The following ZNF385D variants were observed in gnomAD, a reference collection of about 807,000 sequenced individuals.
ZNF385D encodes the protein zinc finger protein 385D.
In ZNF385D, 15 loss-of-function variants were observed where a neutral mutation model predicts 35.8. That is an observed-to-expected ratio of 0.42 (90% confidence interval 0.28 to 0.64). ZNF385D has a LOEUF of 0.64. ZNF385D is among the 30% of genes least tolerant of loss of function. The pLI is 0.23. For synonymous variants in ZNF385D, 212 were observed against 186.8 expected (o/e 1.13, Z -1.10); for missense variants, 474 against 494.6 (o/e 0.96, Z 0.39).
chr3:22,175,528 A>C (rs565998180), intron 2 of ZNF385D, among the ~76,000 whole-genome samples: 13 of 152,182 alleles, frequency 8.5e-5, no homozygotes, highest in Non-Finnish European at 1.5e-4. Context: ...TTGCCCATGC[A>C]GGATTTAAGT....
At chr3:22,353,691 T>C (rs568661997) in intron 2 of ZNF385D, among the ~76,000 whole-genome samples, 1 of 152,314 alleles carries the variant, frequency 6.6e-6, no homozygotes, top group East Asian at 1.9e-4. Flanking sequence ...GTGATTTCAA[T>C]ATGCAATTAG....
chr3:21,594,550 A>G (rs1164231624), intron 2 of ZNF385D, among the ~76,000 whole-genome samples: 1 of 152,170 alleles, frequency 6.6e-6, no homozygotes, highest in African/African-American at 2.4e-5. Context: ...GGAAAGGTGC[A>G]CAGATATTGT....
chr3:22,121,182 C>T (rs1328161056), intron 3 of ZNF385D, among the ~76,000 whole-genome samples: 3 of 152,172 alleles, frequency 2.0e-5, no homozygotes, highest in East Asian at 1.9e-4. Flanking sequence ...CAACCTTCCT[C>T]TTTCACTTAC....
At chr3:21,770,002 T>C (rs1350189922) in intron 3 of ZNF385D, among the ~76,000 whole-genome samples, 1 of 152,076 alleles carries the variant, frequency 6.6e-6, no homozygotes, top group Non-Finnish European at 1.5e-5. Flanking sequence ...TTCCCTATTT[T>C]ACAAATGGTG....
intron 3 of ZNF385D, among the ~76,000 whole-genome samples, chr3:22,068,008 C>T (rs1000823621): frequency 1.9e-5 from 2 of 104,394 alleles, no homozygotes; most frequent in Non-Finnish European, 3.6e-5. Flanking sequence ...CAAGACTCCA[C>T]TGGAAAAAAA....
At chr3:21,754,505 G>A (rs1342599871), upstream of ZNF385D, among the ~76,000 whole-genome samples, 2 of 152,108 alleles carry the variant, frequency 1.3e-5, no homozygotes, top group African/African-American at 4.8e-5. Flanking sequence ...AAATATCATG[G>A]TTGGGTGAAA....
At chr3:21,980,168 C>G (rs1395478392) in intron 3 of ZNF385D, among the ~76,000 whole-genome samples, 1 of 152,108 alleles carries the variant, frequency 6.6e-6, no homozygotes, top group Non-Finnish European at 1.5e-5. Context: ...GACCTCTTGC[C>G]AACAACCAAC....
At chr3:21,572,981 T>A (rs1330735194) in intron 2 of ZNF385D, among the ~76,000 whole-genome samples, 1 of 152,160 alleles carries the variant, frequency 6.6e-6, no homozygotes, top group Non-Finnish European at 1.5e-5. Flanking sequence ...TATATGAGAA[T>A]TTTTAAGCAC....
At position 21,421,402 on chromosome 3, in the gene ZNF385D, G is replaced by T. The variant is rs201726139; in HGVS notation, c.1000C>A (p.Arg334=). ...SKEPSKPLAP[R]ILPNPLAAAA... ...GCTGCTAGAGGATTTGGTAGAATTC[G>T]TGGAGCCAATGGCTTTGAAGGTTCT... is the stretch of plus-strand genomic sequence containing the variant. Residue 334 remains arginine (R), a synonymous_variant, in exon 8 of 8, where the codon CGA becomes AGA. Transcript: ENST00000281523. 5.7e-5 allele frequency: 92 copies of T among 1,613,744 alleles called. No homozygotes were observed. The East Asian group carries it at 2.0e-3, about 36-fold the overall frequency.
intron 3 of ZNF385D, among the ~76,000 whole-genome samples, chr3:22,009,571 C>T (rs1391180647): frequency 1.4e-5 from 2 of 147,114 alleles, no homozygotes; most frequent in East Asian, 2.0e-4. Flanking sequence ...TGCAGTGAGG[C>T]GAAATTGCAC....
At chr3:21,967,587 C>A (rs550786999) in intron 3 of ZNF385D, among the ~76,000 whole-genome samples, 1 of 152,176 alleles carries the variant, frequency 6.6e-6, no homozygotes, top group African/African-American at 2.4e-5. Flanking sequence ...TGCCCATTGG[C>A]TTCTTCCTCA....
chr3:22,236,652 A>G (rs1375440397), intron 2 of ZNF385D, among the ~76,000 whole-genome samples: 1 of 152,096 alleles, frequency 6.6e-6, no homozygotes, highest in East Asian at 1.9e-4. Context: ...ACCACTATCT[A>G]TTTTCAGAAC....
At chr3:21,965,403 T>C (rs1041624488) in intron 3 of ZNF385D, among the ~76,000 whole-genome samples, 9 of 152,154 alleles carry the variant, frequency 5.9e-5, no homozygotes, top group African/African-American at 1.7e-4. Context: ...ATACATTTCC[T>C]AGACATAACG....
At chr3:22,267,007 T>C (rs539606248) in intron 2 of ZNF385D, among the ~76,000 whole-genome samples, 1 of 151,938 alleles carries the variant, frequency 6.6e-6, no homozygotes, top group Non-Finnish European at 1.5e-5. Context: ...AGAGTGTACA[T>C]GAATTATTTA....
At chr3:21,537,775 C>T (rs922473066) in intron 3 of ZNF385D, among the ~76,000 whole-genome samples, 3 of 152,014 alleles carry the variant, frequency 2.0e-5, no homozygotes, top group East Asian at 1.9e-4. Flanking sequence ...CATAGAGCTG[C>T]GTGGCCTATG....
intron 3 of ZNF385D, among the ~76,000 whole-genome samples, chr3:22,106,118 C>T (rs1232186867): frequency 6.6e-6 from 1 of 152,092 alleles, no homozygotes; most frequent in Non-Finnish European, 1.5e-5. Context: ...TTTGATAGGA[C>T]TAAAGCAGAG....
At chr3:21,911,759 A>G (rs528318093) in intron 3 of ZNF385D, among the ~76,000 whole-genome samples, 46 of 152,068 alleles carry the variant, frequency 3.0e-4, no homozygotes, top group Admixed American at 1.8e-3. Flanking sequence ...GATATTAGGG[A>G]TTTTACTATG....
intron 3 of ZNF385D, among the ~76,000 whole-genome samples, chr3:21,801,173 C>A (rs547557948): frequency 1.3e-5 from 2 of 152,160 alleles, no homozygotes; most frequent in African/African-American, 4.8e-5. Flanking sequence ...TGGAATAAAT[C>A]CTACTTGGTC....
chr3:21,567,586 C>CAGAA (rs1460940006), intron 2 of ZNF385D, among the ~76,000 whole-genome samples: 1 of 151,914 alleles, frequency 6.6e-6, no homozygotes, highest in Non-Finnish European at 1.5e-5. Context: ...AAATTAAAAG[C>CAGAA]AGAAAGAGGT....
Sources: gnomAD v4.1 joint callset for allele counts (sites outside exome capture counted in the v4.1 genomes callset) on GRCh38, gnomAD v4.1.1 for gene constraint, MANE v1.5 for transcripts, NCBI Gene and HGNC (gene_info 2026-07-23, HGNC 2026-07-21) for gene names.